The following CEP63 variants were observed in gnomAD, a reference collection of about 807,000 sequenced individuals.
CEP63 encodes the protein centrosomal protein of 63 kDa.
In CEP63, 84 loss-of-function variants were observed where a neutral mutation model predicts 89.1. The ratio of observed to expected loss-of-function variants is 0.94; its 90% CI spans 0.79 to 1.13. The LOEUF (loss-of-function observed/expected upper bound fraction) is 1.13, where lower values mean the gene tolerates loss of function less well. Ranked by LOEUF, CEP63 falls within the 50% of genes most tolerant of loss-of-function variation. The pLI, the probability that CEP63 is intolerant of heterozygous loss-of-function variation, is 0.00. For missense variants in CEP63, 838 were observed against 813.3 expected (o/e 1.03, Z -0.37); for synonymous variants, 267 against 272.5 (o/e 0.98, Z 0.20).
chr3:134,560,851 A>G (rs1957219430), intron 14 of CEP63, among the ~76,000 whole-genome samples: 1 of 152,172 alleles, frequency 6.6e-6, no homozygotes, highest in Non-Finnish European at 1.5e-5. Flanking sequence ...GCTATTGTGA[A>G]TGAGTATTGA....
the CEP63 span, among the ~76,000 whole-genome samples, chr3:134,619,620 G>A: frequency 6.6e-6 from 1 of 152,202 alleles, no homozygotes; most frequent in Non-Finnish European, 1.5e-5. Flanking sequence ...CCTGCAGCCC[G>A]AAGGCCTCAT....
At chr3:134,653,392 GGAGATGCTGCTGCCCCT>G in the CEP63 span, among the ~76,000 whole-genome samples, 1 of 152,288 alleles carries the variant, frequency 6.6e-6, no homozygotes, top group African/African-American at 2.4e-5. Context: ...GACTGCTCTG[GGAGATGCTGCTGCCCCT>G]GGATCCTGAT....
chr3:134,695,089 A>G, the CEP63 span, among the ~76,000 whole-genome samples: 1 of 152,166 alleles, frequency 6.6e-6, no homozygotes, highest in Admixed American at 6.5e-5. Flanking sequence ...AAATACCAAA[A>G]AGTTCCAGGT....
the CEP63 span, among the ~76,000 whole-genome samples, chr3:134,679,958 A>G: frequency 9.2e-5 from 14 of 152,214 alleles, no homozygotes; most frequent in Non-Finnish European, 1.8e-4. Flanking sequence ...TCCTGGGCTC[A>G]TGCCAGCCAC....
the CEP63 span, among the ~76,000 whole-genome samples, chr3:134,737,883 T>C: frequency 6.6e-6 from 1 of 152,182 alleles, no homozygotes; most frequent in Non-Finnish European, 1.5e-5. Flanking sequence ...CCAAGTGGCC[T>C]CTCACTATGG....
At chr3:134,695,618 T>C in the CEP63 span, among the ~76,000 whole-genome samples, 2 of 152,176 alleles carry the variant, frequency 1.3e-5, no homozygotes, top group African/African-American at 4.8e-5. Flanking sequence ...TAAGGTCTTA[T>C]AGACTCCCGG....
the CEP63 span, among the ~76,000 whole-genome samples, chr3:134,714,374 T>C: frequency 3.5e-4 from 53 of 152,190 alleles, no homozygotes; most frequent in Non-Finnish European, 2.9e-5. Context: ...AGGAATATAC[T>C]GAGCCCTCAT....
chr3:134,553,718 A>G (rs1955445646), intron 12 of CEP63, among the ~76,000 whole-genome samples: 1 of 152,220 alleles, frequency 6.6e-6, no homozygotes, highest in Non-Finnish European at 1.5e-5. Flanking sequence ...GCCTTTCTAG[A>G]GGACAGCTTA....
At chr3:134,587,878 C>A (rs976927611), downstream of CEP63, among the ~76,000 whole-genome samples, 2 of 151,892 alleles carry the variant, frequency 1.3e-5, no homozygotes, top group African/African-American at 2.4e-5. Flanking sequence ...ATACATCTCT[C>A]TCAGTAAACC....
the CEP63 span, among the ~76,000 whole-genome samples, chr3:134,614,248 C>T: frequency 1.3e-5 from 2 of 152,048 alleles, no homozygotes; most frequent in Non-Finnish European, 2.9e-5. Context: ...TGAAGAGCTC[C>T]GACCAGCCAT....
chr3:134,553,073 G>T (rs1317256235), intron 12 of CEP63: 1 of 152,120 alleles, frequency 6.6e-6, no homozygotes, highest in Non-Finnish European at 1.5e-5. Flanking sequence ...TTTTCTTGGT[G>T]TAGGTCAGAT....
At chr3:134,715,544 T>C in the CEP63 span, among the ~76,000 whole-genome samples, 31 of 145,902 alleles carry the variant, frequency 2.1e-4, no homozygotes, top group South Asian at 1.6e-3. Flanking sequence ...TTTTGTTTTT[T>C]CCTCTCTCTA....
intron 8 of CEP63, among the ~76,000 whole-genome samples, 180 bp downstream of exon 8, chr3:134,546,468 C>T (rs1001192545): frequency 1.1e-4 from 16 of 152,154 alleles, no homozygotes; most frequent in Admixed American, 2.6e-4. Flanking sequence ...AAGCCATTCT[C>T]CAGGCTCAGC....
At chr3:134,681,653 G>T in the CEP63 span, among the ~76,000 whole-genome samples, 1 of 152,184 alleles carries the variant, frequency 6.6e-6, no homozygotes, top group South Asian at 2.1e-4. Context: ...CCATTCCTGC[G>T]GAGGCATGGG....
At chr3:134,560,991 G>A (rs1957249133) in intron 14 of CEP63, among the ~76,000 whole-genome samples, 1 of 152,144 alleles carries the variant, frequency 6.6e-6, no homozygotes, top group African/African-American at 2.4e-5. Context: ...ATTTTAGCTG[G>A]CATCTAATTT....
chr3:134,564,877 A>G lies in CEP63; in HGVS notation c.*3342A>G, dbSNP rs955764722. 4 of 985,070 alleles carry G rather than the reference A, an allele frequency of 4.1e-6. No individual in the cohort carries two copies. The highest frequency in any genetic ancestry group is 3.5e-5 in the African/African-American group (2 of 57,256). The allele number at this position is 985,070 out of a possible 1,614,324, so 61.0% of individuals were successfully genotyped here. A position where few individuals can be genotyped will look rare whatever the true frequency, so the allele number is the denominator to read the frequency against. On this transcript the variant is annotated 3_prime_UTR_variant, in exon 15 of 15. Transcript: ENST00000675561. ...AATACTTAAGGAATCATGAGGTACT[A>G]TGTATTTCCTTAAATTATACTGTTT...
chr3:134,594,750 T>A, the CEP63 span, among the ~76,000 whole-genome samples: 2 of 152,282 alleles, frequency 1.3e-5, no homozygotes, highest in African/African-American at 4.8e-5. Context: ...TCTATCATTT[T>A]GTTTTTGAAA....
chr3:134,741,321 G>C, the CEP63 span, among the ~76,000 whole-genome samples: 1 of 152,278 alleles, frequency 6.6e-6, no homozygotes, highest in Non-Finnish European at 1.5e-5. Flanking sequence ...TTGAGCATCT[G>C]AAGATCTGAC....
chr3:134,618,983 G>T, the CEP63 span, among the ~76,000 whole-genome samples: 2 of 152,196 alleles, frequency 1.3e-5, no homozygotes, highest in Non-Finnish European at 2.9e-5. Flanking sequence ...AATTATGCTG[G>T]TGTTAAAAAG....
Sources: gnomAD v4.1 joint callset for allele counts (sites outside exome capture counted in the v4.1 genomes callset) on GRCh38, gnomAD v4.1.1 for gene constraint, MANE v1.5 for transcripts, NCBI Gene and HGNC (gene_info 2026-07-23, HGNC 2026-07-21) for gene names.